Variants in POLR1B observed in about 807,000 individuals in gnomAD.
POLR1B encodes RNA polymerase I subunit B.
Under a neutral mutation model 105.8 loss-of-function variants are expected in POLR1B, and 30 were observed. The observed-to-expected ratio is 0.28, with a 90% CI of 0.21 to 0.38. POLR1B has a LOEUF of 0.38. POLR1B is among the 10% of genes least tolerant of loss of function. The pLI is 1.00. For synonymous variants in POLR1B, 485 were observed against 505.1 expected (o/e 0.96, Z 0.53); for missense variants, 976 against 1,435.8 (o/e 0.68, Z 5.17).
At chr2:112,552,932 G>C in intron 7 of POLR1B, 116 bp downstream of exon 7, 1 of 1,000,126 alleles carries the variant, frequency 1.0e-6, no homozygotes, top group East Asian at 3.1e-5. Flanking sequence ...CATTTTGTGT[G>C]GTCTCTTTTT....
rs576120137 is a variant in POLR1B at position 112,546,822 on chromosome 2, C to G, written c.178-190C>G. The G allele has an allele frequency of 8.1e-5, 39 of 479,606 alleles. No individual in the cohort carries two copies. The South Asian group carries it at 1.0e-3, about 12-fold the overall frequency. 29.7% of individuals were successfully genotyped at this position (479,606 alleles called of 1,614,324 possible). A position where few individuals can be genotyped will look rare whatever the true frequency, so the allele number is the denominator to read the frequency against. On this transcript the variant is annotated intron_variant, in intron 1 of 14. Coordinates refer to ENST00000263331, the MANE Select transcript of POLR1B (RefSeq NM_019014.6). ...TTGTGATCCTCCCACCTCGGCCTCC[C>G]AAAGTGCTGAGATTACAGGCGTGAA...
intron 1 of POLR1B, among the ~76,000 whole-genome samples, chr2:112,545,523 T>C (rs1047252408): frequency 3.3e-5 from 5 of 152,252 alleles, no homozygotes; most frequent in Non-Finnish European, 7.3e-5. Flanking sequence ...ATTCAGTGTT[T>C]ATGGCAACTG....
intron 6 of POLR1B, 68 bp from the exon 7 acceptor site, chr2:112,552,577 T>C: frequency 7.1e-7 from 1 of 1,406,794 alleles, no homozygotes; most frequent in East Asian, 2.5e-5. Context: ...GGGATCTTGG[T>C]TAATAGAATA....
In POLR1B at chr2:112,579,355, C is replaced by T. The variant is rs190303416; in HGVS notation, c.*3626C>T. ...GGATTGCTGGGTCATATGGTAGTTGCATATTTCATTTAATAAACTGCCAAA... is the reference window on the plus strand; with the variant it reads ...GGATTGCTGGGTCATATGGTAGTTGTATATTTCATTTAATAAACTGCCAAA... On this transcript the variant is annotated 3_prime_UTR_variant, in exon 15 of 15. Transcript: ENST00000263331. The T allele has an allele frequency of 6.6e-6, 1 of 151,590 alleles. No individual in the cohort carries two copies. The highest frequency in any genetic ancestry group is 1.9e-4 in the East Asian group (1 of 5,140). The allele number at this position is 151,590 out of a possible 1,614,324, so 9.4% of individuals were successfully genotyped here. A position where few individuals can be genotyped will look rare whatever the true frequency, so the allele number is the denominator to read the frequency against.
Position 112,560,773 on chromosome 2 carries a change from C to G in POLR1B, c.1612+1199C>G, listed in dbSNP as rs532210013. Among the ~76,000 whole-genome samples the G allele has an allele frequency of 2.9e-3, 445 of 152,222 alleles. 1 individual carries two copies. The highest frequency in any genetic ancestry group is 0.01 in the African/African-American group (432 of 41,530). ...AAGTACTTCTCCCAATTAGAGTGGC[C>G]TGGCCGGGCGTGGTGGCCCATGCCT... is the stretch of plus-strand genomic sequence containing the variant. On this transcript the variant is annotated intron_variant, in intron 9 of 14. Coordinates refer to ENST00000263331, the MANE Select transcript of POLR1B (RefSeq NM_019014.6).
rs13395691 is a variant in POLR1B at position 112,578,042 on chromosome 2, A to T, written c.*2313A>T. ...CTGAATGATCCCACAGCTGAGGTCT[A>T]TTGTCATCGCTCCACTTCTATTTTT... On this transcript the variant is annotated 3_prime_UTR_variant, in exon 15 of 15. Transcript: ENST00000263331. Among the ~76,000 whole-genome samples, 13,293 of 152,072 alleles carry T rather than the reference A, an allele frequency of 0.087. 828 individuals are homozygous for T. Among genetic ancestry groups the T allele is most frequent in the East Asian group, 0.31 (1,588 of 5,166 alleles).
intron 7 of POLR1B, among the ~76,000 whole-genome samples, chr2:112,555,668 G>A (rs1357417070): frequency 6.6e-6 from 1 of 152,152 alleles, no homozygotes; most frequent in Non-Finnish European, 1.5e-5. Context: ...AAAAAGAAAT[G>A]AGTCTTCTGT....
upstream of POLR1B, chr2:112,542,122 G>T: frequency 6.5e-7 from 1 of 1,535,692 alleles, no homozygotes; most frequent in Non-Finnish European, 8.7e-7. Flanking sequence ...TGAGAAGACC[G>T]CTCTCCTCCG....
At position 112,552,819 on chromosome 2, in the gene POLR1B, A is replaced by G. The variant is rs1256024975; in HGVS notation, c.1158+3A>G. 5 of 1,577,934 alleles carry G rather than the reference A, an allele frequency of 3.2e-6. 1 individual carries two copies. The highest frequency in any genetic ancestry group is 2.3e-5 in the East Asian group (1 of 43,592). Reference sequence around the variant, plus strand: ...AGCTCTTCCTTATGTTCCTGAAGGTAAATGCATGCTATGTCCACCCTTGGC... The same window carrying G: ...AGCTCTTCCTTATGTTCCTGAAGGTGAATGCATGCTATGTCCACCCTTGGC... On this transcript the variant is annotated splice_donor_region_variant and intron_variant, in intron 7 of 14. Coordinates refer to ENST00000263331, the MANE Select transcript of POLR1B (RefSeq NM_019014.6).
At position 112,575,772 on chromosome 2, in the gene POLR1B, G is replaced by T; in HGVS notation, c.*43G>T. On this transcript the variant is annotated 3_prime_UTR_variant, in exon 15 of 15. Coordinates refer to ENST00000263331, the MANE Select transcript of POLR1B (RefSeq NM_019014.6). This position sits in a 1 kb window ranked among gnomAD's most constrained non-coding sequence, Gnocchi z 5.3. ...GGATTAAGAGGACTATCAGATTAAA[G>T]CAAAATGTAATTTTAATTCAATGAA... 6.5e-7 allele frequency: 1 copy of T among 1,546,026 alleles called. No individual in the cohort carries two copies. The highest frequency in any genetic ancestry group is 1.2e-5 in the South Asian group (1 of 84,204).
chr2:112,575,695 C>G lies in POLR1B; in HGVS notation c.3374C>G (p.Ala1125Gly). 6.2e-7 allele frequency: 1 copy of G among 1,612,874 alleles called. No homozygotes were observed. Among genetic ancestry groups the G allele is most frequent in the Non-Finnish European group, 8.5e-7 (1 of 1,179,430 alleles). ...CGGTATTTTGTAGCTGAACTGGCAG[C>G]TATGAACATCAAAGTGAAACTGGAT... ...VFRYFVAELA[A>G]MNIKVKLDVV The change falls in exon 15 of 15, where the codon GCT (alanine) becomes GGT (glycine). Residue 1125 changes from alanine to glycine, a missense_variant. Ala to Gly is a moderately conservative substitution (Grantham distance 60). This residue lies in a region of POLR1B where 77 missense variants were observed against 104.5 expected (regional missense o/e 0.74). Coordinates refer to ENST00000263331, the MANE Select transcript of POLR1B (RefSeq NM_019014.6). The surrounding 1 kb of genome is among the most constrained non-coding windows in gnomAD (Gnocchi z 5.3).
In POLR1B at chr2:112,579,089, T is replaced by C. The variant is rs1684985403; in HGVS notation, c.*3360T>C. On this transcript the variant is annotated 3_prime_UTR_variant, in exon 15 of 15. Transcript: ENST00000263331. ...TGGGTGTGATGGCACACGCCTGTAATCCCAGCTACTCAGGAGGCTGAGACA... is the reference window on the plus strand; with the variant it reads ...TGGGTGTGATGGCACACGCCTGTAACCCCAGCTACTCAGGAGGCTGAGACA... 6.6e-6 allele frequency among the ~76,000 whole-genome samples: 1 copy of C among 151,464 alleles called. No homozygotes were observed. The highest frequency in any genetic ancestry group is 2.1e-4 in the South Asian group (1 of 4,798).
intron 1 of POLR1B, 118 bp from the exon 2 acceptor site, chr2:112,546,894 G>T (rs910603313): frequency 6.3e-6 from 7 of 1,103,462 alleles, no homozygotes; most frequent in Non-Finnish European, 1.3e-6. Context: ...TCCTTTTTAG[G>T]TGTGTCATGG....
At position 112,561,258 on chromosome 2, in the gene POLR1B, G is replaced by A. The variant is rs116583147; in HGVS notation, c.1612+1684G>A. ...TAGAAAGGAGAAAAGAGAAAGTGGA[G>A]AGGTAGAAAGTATATCCAACTGCAG... On this transcript the variant is annotated intron_variant, in intron 9 of 14. Transcript: ENST00000263331. Among the ~76,000 whole-genome samples the A allele has an allele frequency of 5.3e-3, 803 of 152,276 alleles. 6 individuals carry two copies. The highest frequency in any genetic ancestry group is 0.01 in the Middle Eastern group (3 of 294).
chr2:112,565,995 A>G (rs1307378877), intron 10 of POLR1B, among the ~76,000 whole-genome samples: 2 of 152,036 alleles, frequency 1.3e-5, no homozygotes, highest in East Asian at 3.8e-4. Flanking sequence ...AGTAGCTGAG[A>G]CTACAGGTGT....
chr2:112,568,325 C>T (rs1029048149), intron 11 of POLR1B, among the ~76,000 whole-genome samples, 188 bp downstream of exon 11: 4 of 152,182 alleles, frequency 2.6e-5, no homozygotes, highest in African/African-American at 9.6e-5. Flanking sequence ...TGATCTCACT[C>T]CACAGAACCT....
chr2:112,557,188 A>G (rs1293695275), intron 7 of POLR1B, among the ~76,000 whole-genome samples: 1 of 152,226 alleles, frequency 6.6e-6, no homozygotes, highest in African/African-American at 2.4e-5. Flanking sequence ...TAGGAGGTTA[A>G]GGCAGGAGAA....
chr2:112,542,435 ACCGAGAGAC>A (rs1324684452), upstream of POLR1B: 23 of 1,329,922 alleles, frequency 1.7e-5, no homozygotes, highest in Non-Finnish European at 2.3e-5. Context: ...TCCGGCGTGT[ACCGAGAGAC>A]TGGCGTCCGG....
Position 112,564,119 on chromosome 2 carries a change from T to C in POLR1B, c.1613-247T>C, listed in dbSNP as rs571860684. On this transcript the variant is annotated intron_variant, in intron 9 of 14. Coordinates refer to ENST00000263331, the MANE Select transcript of POLR1B (RefSeq NM_019014.6). Reference sequence around the variant, plus strand: ...TATAATAATAATAATATTTGAAATATTGCAAGAATTACCAAAATGCCAGCA... The same window carrying C: ...TATAATAATAATAATATTTGAAATACTGCAAGAATTACCAAAATGCCAGCA... Among the ~76,000 whole-genome samples, 281 of 152,294 alleles carry C rather than the reference T, an allele frequency of 1.8e-3. 1 individual carries two copies. The highest frequency in any genetic ancestry group is 2.4e-3 in the Non-Finnish European group (163 of 68,028).
Sources: gnomAD v4.1 joint callset for allele counts (sites outside exome capture counted in the v4.1 genomes callset) on GRCh38, gnomAD v4.1.1 for gene constraint, gnomAD v4.1.1 regional missense constraint, Gnocchi (gnomAD v3.1) non-coding constraint, MANE v1.5 for transcripts, NCBI Gene and HGNC (gene_info 2026-07-23, HGNC 2026-07-21) for gene names.